Variants in ABCA4 observed in about 807,000 individuals in gnomAD.
ABCA4 encodes retinal-specific phospholipid-transporting ATPase ABCA4.
A neutral mutation model predicts 263.7 loss-of-function variants in ABCA4; 196 were observed. The observed-to-expected ratio is 0.74, with a 90% confidence interval of 0.66 to 0.84. The LOEUF is 0.84. Among genes scored for constraint, ABCA4 ranks in the 40% least tolerant of loss-of-function variants. The pLI is 0.00. For missense variants in ABCA4, 2,792 were observed against 2,855.1 expected (o/e 0.98, Z 0.50); for synonymous variants, 1,133 against 1,094.2 (o/e 1.04, Z -0.70).
rs761087853 is a variant in ABCA4, at chr1:93,998,091, C to T, written c.6499G>A (p.Val2167Ile). ...LKSKFGDGYIVTMKIKSPKDD... is the reference protein window; with the variant it reads ...LKSKFGDGYIITMKIKSPKDD... The stretch of plus-strand genomic sequence containing the variant: ...TTCGGGGATTTGATCTTCATTGTGA[C>T]GATATAGCCATCTCCAAATCTAGGG... Residue 2167 changes from valine (V) to isoleucine (I), a missense_variant, in exon 48 of 50, where the codon GTC becomes ATC. Val to Ile is a conservative substitution (Grantham distance 29). Coordinates refer to ENST00000370225, the MANE Select transcript of ABCA4 (RefSeq NM_000350.3). 16 of 1,614,166 alleles carry T rather than the reference C, an allele frequency of 9.9e-6. No individual in the cohort carries two copies. The highest frequency in any genetic ancestry group is 2.7e-5 in the African/African-American group (2 of 75,040).
intron 8 of ABCA4, among the ~76,000 whole-genome samples, chr1:94,080,193 C>T (rs551156651): frequency 6.6e-6 from 1 of 152,308 alleles, no homozygotes; most frequent in East Asian, 1.9e-4. Flanking sequence ...TCATTCTCTT[C>T]CTCTTGAACT....
At chr1:94,049,804 G>C (rs1258626098) in intron 17 of ABCA4, among the ~76,000 whole-genome samples, 1 of 151,930 alleles carries the variant, frequency 6.6e-6, no homozygotes, top group Admixed American at 6.6e-5. Context: ...AAATTGTGAA[G>C]TGTGGTATAA....
At chr1:94,046,693 C>T (rs1349190294) in intron 19 of ABCA4, among the ~76,000 whole-genome samples, 2 of 152,118 alleles carry the variant, frequency 1.3e-5, no homozygotes, top group Non-Finnish European at 2.9e-5. Flanking sequence ...AATGAATGTC[C>T]ACTTCCCCGG....
intron 37 of ABCA4, 152 bp downstream of exon 37, chr1:94,015,587 G>A (rs1659710994): frequency 7.3e-6 from 5 of 688,244 alleles, no homozygotes; most frequent in South Asian, 6.4e-5. Context: ...CAGATCCCTG[G>A]TTATCAGCTT....
At chr1:94,099,260 G>T (rs1231162549) in intron 5 of ABCA4, among the ~76,000 whole-genome samples, 1 of 152,146 alleles carries the variant, frequency 6.6e-6, no homozygotes, top group Admixed American at 6.5e-5. Flanking sequence ...GACTTGATAA[G>T]CCCCCACTGG....
intron 27 of ABCA4, 60 bp from the exon 28 acceptor site, chr1:94,031,180 G>C (rs560414921): frequency 6.2e-6 from 10 of 1,600,826 alleles, no homozygotes; most frequent in Non-Finnish European, 8.5e-6. Flanking sequence ...ACACGTGCGC[G>C]TGCACACACA....
At chr1:93,993,760 A>G (rs1658929568) in intron 49 of ABCA4, among the ~76,000 whole-genome samples, 1 of 152,042 alleles carries the variant, frequency 6.6e-6, no homozygotes, top group African/African-American at 2.4e-5. Flanking sequence ...TTGGGCTTTG[A>G]TTAATAAAGA....
At position 94,055,177 on chromosome 1, in the gene ABCA4, G is replaced by T. The variant is rs143100856; in HGVS notation, c.2521C>A (p.Gln841Lys). 1.9e-6 allele frequency: 3 copies of T among 1,614,064 alleles called. No homozygotes were observed. The highest frequency in any genetic ancestry group is 8.5e-7 in the Non-Finnish European group (1 of 1,180,040). The change falls in exon 16 of 50, where the codon CAG (glutamine) becomes AAG (lysine). Residue 841 changes from glutamine to lysine, a missense_variant. Gln to Lys is a moderately conservative substitution (Grantham distance 53). Transcript: ENST00000370225. ...ACAGCAGCATCAAGGAGCATCATCT[G>T]CATGGACAGCAGGAAGCTGAATTCG... ...GDEFSFLLSM[Q>K]MMLLDAAVYG...
intron 38 of ABCA4, 58 bp downstream of exon 38, chr1:94,014,485 C>A: frequency 6.3e-7 from 1 of 1,597,690 alleles, no homozygotes; most frequent in South Asian, 1.1e-5. Context: ...TCTGCTCGAC[C>A]AACACATACT....
chr1:94,008,826 A>G lies in ABCA4; in HGVS notation c.5760T>C (p.Asp1920=), dbSNP rs1418422009. The stretch of plus-strand genomic sequence containing the variant: ...TAATTCTTTGTCTTTCTTCAGCCAC[A>G]TCATCATCTTCATCAACAATGGGCT... ...TKEPIVDEDD[D]VAEERQRIIT... Residue 1920 remains aspartate, a synonymous_variant, in exon 41 of 50, where the codon GAT becomes GAC. Coordinates refer to ENST00000370225, the MANE Select transcript of ABCA4 (RefSeq NM_000350.3). 1 of 1,613,530 alleles carries G rather than the reference A, an allele frequency of 6.2e-7. No homozygotes were observed.
intron 1 of ABCA4, among the ~76,000 whole-genome samples, chr1:94,118,106 A>G (rs1298717905): frequency 1.3e-5 from 2 of 152,162 alleles, no homozygotes; most frequent in African/African-American, 4.8e-5. Flanking sequence ...TGTGAATCCC[A>G]GGTCCAACCC....
rs1418123009 is a variant in ABCA4 at position 94,044,779 on chromosome 1, G to T, written c.2919-35C>A. ...ACAGGCGTCAGTGGCAGAAGAGATGGCCTTTAGCAACATGCCTTAGGAGGG... is the reference window on the plus strand; with the variant it reads ...ACAGGCGTCAGTGGCAGAAGAGATGTCCTTTAGCAACATGCCTTAGGAGGG... On this transcript the variant is annotated intron_variant, in intron 19 of 49. Transcript: ENST00000370225. 4 of 1,614,154 alleles carry T rather than the reference G, an allele frequency of 2.5e-6. No individual in the cohort carries two copies. The East Asian group carries it at 8.9e-5, about 36-fold the overall frequency.
chr1:93,998,052 G>T lies in ABCA4; in HGVS notation c.6538C>A (p.Pro2180Thr). ...AACTGCTCCACAGGGTTCAGGTCAGGAAGCAGGTCGTCCTTCGGGGATTTG... is the reference window on the plus strand; with the variant it reads ...AACTGCTCCACAGGGTTCAGGTCAGTAAGCAGGTCGTCCTTCGGGGATTTG... Reference protein sequence around the residue: ...KIKSPKDDLLPDLNPVEQFFQ... With the variant: ...KIKSPKDDLLTDLNPVEQFFQ... The change falls in exon 48 of 50, where the codon CCT (proline) becomes ACT (threonine). Residue 2180 changes from proline to threonine, a missense_variant. Physicochemically the swap from Pro to Thr is conservative, Grantham distance 38. Coordinates refer to ENST00000370225, the MANE Select transcript of ABCA4 (RefSeq NM_000350.3). 1.2e-6 allele frequency: 2 copies of T among 1,614,220 alleles called. No individual in the cohort carries two copies. Among genetic ancestry groups the T allele is most frequent in the Non-Finnish European group, 1.7e-6 (2 of 1,180,034 alleles).
intron 6 of ABCA4, among the ~76,000 whole-genome samples, chr1:94,088,723 A>G (rs1271106360): frequency 5.3e-5 from 8 of 152,166 alleles, no homozygotes; most frequent in Non-Finnish European, 1.2e-4. Context: ...GAGGGTAACC[A>G]AGGGACATCT....
At chr1:94,090,924 C>T (rs1661951120) in intron 6 of ABCA4, among the ~76,000 whole-genome samples, 1 of 152,084 alleles carries the variant, frequency 6.6e-6, no homozygotes, top group Non-Finnish European at 1.5e-5. Flanking sequence ...TCAGTTTCAC[C>T]TGGGGACGGG....
Position 94,063,267 on chromosome 1 carries a change from G to T in ABCA4, c.1605C>A (p.Thr535=). The part of the protein sequence containing the change: ...FESYNDETQL[T]QRALSLLEEN... The stretch of plus-strand genomic sequence containing the variant: ...CCTCCAGTAGAGAGAGGGCACGTTG[G>T]GTGAGCTGAGTTTCATCATTGTAGC... The change falls in exon 12 of 50, where the codon ACC becomes ACA. Residue 535 remains threonine, a synonymous_variant. Coordinates refer to ENST00000370225, the MANE Select transcript of ABCA4 (RefSeq NM_000350.3). The T allele has an allele frequency of 1.2e-6, 2 of 1,614,126 alleles. No individual in the cohort carries two copies. Among genetic ancestry groups the T allele is most frequent in the Non-Finnish European group, 1.7e-6 (2 of 1,180,036 alleles).
At chr1:94,039,912 C>T (rs1660440949) in intron 24 of ABCA4, 131 bp downstream of exon 24, 2 of 784,256 alleles carry the variant, frequency 2.6e-6, no homozygotes, top group Non-Finnish European at 4.4e-6. Context: ...AGCAAAAGAA[C>T]AACTGTGTGA....
At chr1:93,995,333 G>C (rs1301870794) in intron 49 of ABCA4, among the ~76,000 whole-genome samples, 1 of 152,204 alleles carries the variant, frequency 6.6e-6, no homozygotes, top group Non-Finnish European at 1.5e-5. Flanking sequence ...GCATATCCTT[G>C]CTTCTTGATT....
chr1:94,037,412 T>TA, intron 24 of ABCA4, 62 bp from the exon 25 acceptor site: 1 of 1,499,030 alleles, frequency 6.7e-7, no homozygotes, highest in Admixed American at 1.7e-5. Flanking sequence ...ACTGTGAGGT[T>TA]ACCCAGATTT....
Sources: gnomAD v4.1 joint callset for allele counts (sites outside exome capture counted in the v4.1 genomes callset) on GRCh38, gnomAD v4.1.1 for gene constraint, MANE v1.5 for transcripts, NCBI Gene and HGNC (gene_info 2026-07-23, HGNC 2026-07-21) for gene names.